Variants in SPRING1 observed in about 807,000 individuals in gnomAD.
The protein encoded by SPRING1 is SREBP regulating gene protein.
SPRING1 carries 14 observed loss-of-function variants against 24.7 expected under a neutral mutation model. The ratio of observed to expected loss-of-function variants is 0.57; its 90% CI spans 0.37 to 0.88. SPRING1 has a LOEUF of 0.88. SPRING1 is among the 40% of genes least tolerant of loss of function. SPRING1 has a pLI of 0.00. For missense variants in SPRING1, 255 were observed against 268.4 expected (o/e 0.95, Z 0.35); for synonymous variants, 93 against 106.1 (o/e 0.88, Z 0.76).
At chr12:116,730,402 C>T (rs560749133) in intron 1 of SPRING1, among the ~76,000 whole-genome samples, 1 of 152,110 alleles carries the variant, frequency 6.6e-6, no homozygotes, top group South Asian at 2.1e-4. Context: ...CAGGGTTTCA[C>T]CATGTTGGCC....
rs2137023258 is a variant in SPRING1, at chr12:116,712,837, G to A, written c.*4973C>T. The stretch of plus-strand genomic sequence containing the variant: ...GTGCGGTGAGGACACAGTGGCAAAG[G>A]AATAATGCCATTCCTTGAGGCAGCG... On this transcript the variant is annotated 3_prime_UTR_variant, in exon 5 of 5. Transcript: ENST00000261318. 6.6e-6 allele frequency: 1 copy of A among 152,522 alleles called. No homozygotes were observed. The highest frequency in any genetic ancestry group is 3.4e-3 in the Middle Eastern group (1 of 294). 9.4% of individuals were successfully genotyped at this position (152,522 alleles called of 1,614,324 possible).
At position 116,736,036 on chromosome 12, in the gene SPRING1, C is replaced by CT. The variant is rs1278987437; in HGVS notation, c.111+1753dup. On this transcript the variant is annotated intron_variant, in intron 1 of 4. Transcript: ENST00000261318. ...AGCCTGGGCAAGAGCAAAACTCAGT[C>CT]TTTAAAAAAAAAAAAAAAAAAAAAA... 2.7e-4 allele frequency among the ~76,000 whole-genome samples: 7 copies of CT among 26,246 alleles called. No homozygotes were observed. The East Asian group carries it at 4.0e-3, about 15-fold the overall frequency. 17.2% of individuals were successfully genotyped at this position (26,246 alleles called of 152,430 possible).
chr12:116,725,983 C>T (rs1030725512), intron 1 of SPRING1, among the ~76,000 whole-genome samples: 10 of 152,096 alleles, frequency 6.6e-5, no homozygotes, highest in Admixed American at 5.9e-4. Context: ...TGTCCATAAT[C>T]CCATCAACTT....
Position 116,717,911 on chromosome 12 carries a change from A to G in SPRING1, c.535-18T>C, listed in dbSNP as rs1328910864. On this transcript the variant is annotated intron_variant, in intron 4 of 4. Transcript: ENST00000261318. The surrounding 1 kb of genome is among the most constrained non-coding windows in gnomAD (Gnocchi z 4.2). Reference sequence around the variant, plus strand: ...TGCACGCTCTGTTGGCAAAAGGAAAATAAGAGCGCAGTGAGAGCGAGCACA... The same window carrying G: ...TGCACGCTCTGTTGGCAAAAGGAAAGTAAGAGCGCAGTGAGAGCGAGCACA... 6.3e-7 allele frequency: 1 copy of G among 1,583,228 alleles called. No individual in the cohort carries two copies. The highest frequency in any genetic ancestry group is 1.7e-5 in the Admixed American group (1 of 57,484).
rs1019359026 is a variant in SPRING1 at position 116,715,360 on chromosome 12, C to T, written c.*2450G>A. On this transcript the variant is annotated 3_prime_UTR_variant, in exon 5 of 5. Coordinates refer to ENST00000261318, the MANE Select transcript of SPRING1 (RefSeq NM_024738.4). ...CAAGGTCCCTGATTCTAGAAACCCT[C>T]GGTCGAGGGAACCACAAACCAACCA... The T allele has an allele frequency of 1.3e-5, 2 of 152,178 alleles. No homozygotes were observed. The highest frequency in any genetic ancestry group is 1.9e-4 in the East Asian group (1 of 5,190). 9.4% of individuals were successfully genotyped at this position (152,178 alleles called of 1,614,324 possible).
chr12:116,722,921 T>C, intron 2 of SPRING1, 146 bp downstream of exon 2: 1 of 1,031,580 alleles, frequency 9.7e-7, no homozygotes, highest in Non-Finnish European at 1.4e-6. Context: ...GAGTAGGGTA[T>C]AGAAGACAAA....
At position 116,723,161 on chromosome 12, in the gene SPRING1, C is replaced by T. The variant is rs775703763; in HGVS notation, c.174G>A (p.Pro58=). 1.7e-5 allele frequency: 28 copies of T among 1,613,810 alleles called. No individual in the cohort carries two copies. The highest frequency in any genetic ancestry group is 5.5e-5 in the South Asian group (5 of 91,066). The change falls in exon 2 of 5, where the codon CCG becomes CCA. Residue 58 remains proline, a synonymous_variant. Coordinates refer to ENST00000261318, the MANE Select transcript of SPRING1 (RefSeq NM_024738.4). The stretch of plus-strand genomic sequence containing the variant: ...TGCCCAAGTTAAACTGCACTTTCCA[C>T]GGGATGGGCTGATTATGGTCATGAA... ...LQVHDHNQPI[P]WKVQFNLGNS...
At position 116,713,795 on chromosome 12, in the gene SPRING1, T is replaced by G. The variant is rs1869977372; in HGVS notation, c.*4015A>C. On this transcript the variant is annotated 3_prime_UTR_variant, in exon 5 of 5. Coordinates refer to ENST00000261318, the MANE Select transcript of SPRING1 (RefSeq NM_024738.4). Reference sequence around the variant, plus strand: ...ACATAGGATATTCATTAGAGAATTGTTTTTCAAGAGGACAAAGTACTTTCA... The same window carrying G: ...ACATAGGATATTCATTAGAGAATTGGTTTTCAAGAGGACAAAGTACTTTCA... 1 of 152,154 alleles carries G rather than the reference T, an allele frequency of 6.6e-6. No individual in the cohort carries two copies. The highest frequency in any genetic ancestry group is 2.1e-4 in the South Asian group (1 of 4,822). The allele number at this position is 152,154 out of a possible 1,614,324, so 9.4% of individuals were successfully genotyped here. A position where few individuals can be genotyped will look rare whatever the true frequency, so the allele number is the denominator to read the frequency against.
At position 116,717,241 on chromosome 12, in the gene SPRING1, G is replaced by C. The variant is rs547073628; in HGVS notation, c.*569C>G. The C allele has an allele frequency of 4.6e-5, 7 of 152,300 alleles. No individual in the cohort carries two copies. Among genetic ancestry groups the C allele is most frequent in the African/African-American group, 1.4e-4 (6 of 41,540 alleles). The allele number at this position is 152,300 out of a possible 1,614,324, so 9.4% of individuals were successfully genotyped here. Reference sequence around the variant, plus strand: ...AAATACAAACAAAAATAACTGCCTAGAGAGAATATTCACGTCCTAAAAGAG... The same window carrying C: ...AAATACAAACAAAAATAACTGCCTACAGAGAATATTCACGTCCTAAAAGAG... On this transcript the variant is annotated 3_prime_UTR_variant, in exon 5 of 5. Coordinates refer to ENST00000261318, the MANE Select transcript of SPRING1 (RefSeq NM_024738.4). This position sits in a 1 kb window ranked among gnomAD's most constrained non-coding sequence, Gnocchi z 4.2.
chr12:116,736,632 T>C (rs1395622698), intron 1 of SPRING1, among the ~76,000 whole-genome samples: 1 of 152,172 alleles, frequency 6.6e-6, no homozygotes, highest in East Asian at 1.9e-4. Flanking sequence ...TTTATAACCA[T>C]GTCAGGACAA....
At position 116,711,581 on chromosome 12, in the gene SPRING1, A is replaced by G. The variant is rs751772502; in HGVS notation, c.*6229T>C. 2 of 152,164 alleles carry G rather than the reference A, an allele frequency of 1.3e-5. No homozygotes were observed. The highest frequency in any genetic ancestry group is 2.9e-5 in the Non-Finnish European group (2 of 68,038). 9.4% of individuals were successfully genotyped at this position (152,164 alleles called of 1,614,324 possible). On this transcript the variant is annotated 3_prime_UTR_variant, in exon 5 of 5. Coordinates refer to ENST00000261318, the MANE Select transcript of SPRING1 (RefSeq NM_024738.4). ...TGTGACCAACATAGCCTGGAATCTT[A>G]AATTACTGATAATGGTGATTTCTCA...
In SPRING1 at chr12:116,717,255, G is replaced by A. The variant is rs1870183067; in HGVS notation, c.*555C>T. ...ATAACTGCCTAGAGAGAATATTCAC[G>A]TCCTAAAAGAGAAAATGTTGTATCT... is the stretch of plus-strand genomic sequence containing the variant. On this transcript the variant is annotated 3_prime_UTR_variant, in exon 5 of 5. Transcript: ENST00000261318. The surrounding 1 kb of genome is among the most constrained non-coding windows in gnomAD (Gnocchi z 4.2). 2 of 152,288 alleles carry A rather than the reference G, an allele frequency of 1.3e-5. No individual in the cohort carries two copies. Among genetic ancestry groups the A allele is most frequent in the Middle Eastern group, 3.4e-3 (1 of 294 alleles). 9.4% of individuals were successfully genotyped at this position (152,288 alleles called of 1,614,324 possible). A position where few individuals can be genotyped will look rare whatever the true frequency, so the allele number is the denominator to read the frequency against.
rs577555912 is a variant in SPRING1, at chr12:116,712,140, G to A, written c.*5670C>T. The A allele has an allele frequency of 6.6e-6, 1 of 152,102 alleles. No homozygotes were observed. The highest frequency in any genetic ancestry group is 2.4e-5 in the African/African-American group (1 of 41,408). The allele number at this position is 152,102 out of a possible 1,614,324, so 9.4% of individuals were successfully genotyped here. A position where few individuals can be genotyped will look rare whatever the true frequency, so the allele number is the denominator to read the frequency against. On this transcript the variant is annotated 3_prime_UTR_variant, in exon 5 of 5. Transcript: ENST00000261318. Reference sequence around the variant, plus strand: ...TGAGAAAAAATAAACCTGGACTCTTGGTAAAATATTTGAATAATTAACTGC... The same window carrying A: ...TGAGAAAAAATAAACCTGGACTCTTAGTAAAATATTTGAATAATTAACTGC...
Position 116,728,646 on chromosome 12 carries a change from C to T in SPRING1, c.112-5423G>A, listed in dbSNP as rs762369985. ...CCATGAGTTTCCAGTCTCACCGCAGCGGAGCTAAGGTGCACGGGGAGCTTC... is the reference window on the plus strand; with the variant it reads ...CCATGAGTTTCCAGTCTCACCGCAGTGGAGCTAAGGTGCACGGGGAGCTTC... On this transcript the variant is annotated intron_variant, in intron 1 of 4. Coordinates refer to ENST00000261318, the MANE Select transcript of SPRING1 (RefSeq NM_024738.4). This position sits in a 1 kb window ranked among gnomAD's most constrained non-coding sequence, Gnocchi z 4.2. 2.6e-5 allele frequency among the ~76,000 whole-genome samples: 4 copies of T among 152,372 alleles called. No homozygotes were observed. Among genetic ancestry groups the T allele is most frequent in the Non-Finnish European group, 5.9e-5 (4 of 68,038 alleles).
At chr12:116,724,203 G>C (rs1189914960) in intron 1 of SPRING1, among the ~76,000 whole-genome samples, 1 of 152,104 alleles carries the variant, frequency 6.6e-6, no homozygotes, top group African/African-American at 2.4e-5. Context: ...GACTAATCTT[G>C]AAAATTTGAT....
chr12:116,720,712 A>G lies in SPRING1; in HGVS notation c.269-265T>C, dbSNP rs1436322066. On this transcript the variant is annotated intron_variant, in intron 2 of 4. Coordinates refer to ENST00000261318, the MANE Select transcript of SPRING1 (RefSeq NM_024738.4). The surrounding 1 kb of genome is among the most constrained non-coding windows in gnomAD (Gnocchi z 4.0). Reference sequence around the variant, plus strand: ...CACCTACTGTTTAGTCGGCTGGCACATGTCTGATTTCATCATCAGGTCAAG... The same window carrying G: ...CACCTACTGTTTAGTCGGCTGGCACGTGTCTGATTTCATCATCAGGTCAAG... Among the ~76,000 whole-genome samples, 3 of 152,172 alleles carry G rather than the reference A, an allele frequency of 2.0e-5. No homozygotes were observed. The highest frequency in any genetic ancestry group is 7.2e-5 in the African/African-American group (3 of 41,458).
intron 1 of SPRING1, among the ~76,000 whole-genome samples, chr12:116,727,290 C>T (rs1489051022): frequency 2.6e-5 from 4 of 152,154 alleles, no homozygotes; most frequent in Admixed American, 6.5e-5. Context: ...TATATCAGTG[C>T]GATCAGGCAC....
At position 116,723,217 on chromosome 12, in the gene SPRING1, TCTC is replaced by T. The variant is rs1393623092; in HGVS notation, c.115_117del (p.Glu39del). 1.3e-5 allele frequency: 21 copies of T among 1,613,966 alleles called. No homozygotes were observed. Among genetic ancestry groups the T allele is most frequent in the Admixed American group, 6.7e-5 (4 of 60,002 alleles). ...AGGAGATTCCTATCTCTCACTGCCC[TCTC>T]CTCCTGCAAAGAAACCATAAGTGAG... On this transcript the variant is annotated inframe_deletion, in exon 2 of 5. Transcript: ENST00000261318.
intron 1 of SPRING1, among the ~76,000 whole-genome samples, chr12:116,731,233 C>T (rs1425921194): frequency 6.6e-6 from 1 of 152,202 alleles, no homozygotes; most frequent in Non-Finnish European, 1.5e-5. Context: ...CAACTAGTAG[C>T]ACAGTCTGCT....
Sources: allele counts gnomAD v4.1 joint callset (sites outside exome capture counted in the v4.1 genomes callset), GRCh38; gene constraint gnomAD v4.1.1; non-coding constraint Gnocchi (gnomAD v3.1); transcripts MANE v1.5; gene names NCBI Gene and HGNC (gene_info 2026-07-23, HGNC 2026-07-21).